Variants in TXNDC11 observed in about 807,000 individuals in gnomAD.
TXNDC11 encodes the protein thioredoxin domain containing 11.
TXNDC11 carries 68 observed loss-of-function variants against 78.0 expected under a neutral mutation model. The observed-to-expected ratio is 0.87, with a 90% CI of 0.72 to 1.07. TXNDC11 has a LOEUF of 1.07. Among genes scored for constraint, TXNDC11 ranks in the 50% least tolerant of loss-of-function variants. The probability of loss-of-function intolerance (pLI) is 0.00; values close to 1 mark genes in which losing one functional copy is unlikely to be tolerated. For synonymous variants in TXNDC11, 571 were observed against 495.2 expected (o/e 1.15, Z -2.03); for missense variants, 1,389 against 1,221.8 (o/e 1.14, Z -2.04).
At chr16:11,726,235 A>G (rs1028224743) in intron 4 of TXNDC11, among the ~76,000 whole-genome samples, 1 of 151,810 alleles carries the variant, frequency 6.6e-6, no homozygotes, top group Admixed American at 6.6e-5. Flanking sequence ...GCAATGTGAT[A>G]TTGGTAGGTC....
Position 11,736,177 on chromosome 16 carries a change from C to A in TXNDC11, c.311G>T (p.Arg104Met), listed in dbSNP as rs1371199090. Residue 104 changes from arginine (R) to methionine (M), a missense_variant, in exon 2 of 12, where the codon AGG becomes ATG. Physicochemically the swap from Arg to Met is moderately conservative, Grantham distance 91 (BLOSUM62 -1). Coordinates refer to ENST00000283033, the MANE Select transcript of TXNDC11 (RefSeq NM_015914.7). ...CTGGAAGAGGTCAAGGACTGGAGAC[C>A]TCAAGGAGAAAAAGCTGACAGGTGG... ...AKPPVSFFSL[R>M]SPVLDLFQGQ... 5.6e-6 allele frequency: 9 copies of A among 1,613,930 alleles called. No homozygotes were observed. The highest frequency in any genetic ancestry group is 7.6e-6 in the Non-Finnish European group (9 of 1,179,994).
At chr16:11,680,457 C>T (rs992809355) in intron 11 of TXNDC11, among the ~76,000 whole-genome samples, 1 of 152,198 alleles carries the variant, frequency 6.6e-6, no homozygotes, top group Non-Finnish European at 1.5e-5. Context: ...TCAGGCTGCC[C>T]AGCCCTGAGA....
At chr16:11,691,257 A>G (rs774442548) in intron 8 of TXNDC11, 33 bp downstream of exon 8, 22 of 1,561,668 alleles carry the variant, frequency 1.4e-5, no homozygotes, top group Non-Finnish European at 1.9e-5. Context: ...AGCAAAATGT[A>G]CAATGCTTGG....
At chr16:11,732,348 C>CGGGG (rs2052080826) in intron 3 of TXNDC11, among the ~76,000 whole-genome samples, 1 of 152,166 alleles carries the variant, frequency 6.6e-6, no homozygotes, top group Non-Finnish European at 1.5e-5. Flanking sequence ...GACTACACCC[C>CGGGG]CCCACTAGGC....
intron 7 of TXNDC11, among the ~76,000 whole-genome samples, chr16:11,697,600 G>A (rs780935544): frequency 2.6e-5 from 4 of 152,214 alleles, no homozygotes; most frequent in Admixed American, 1.3e-4. Flanking sequence ...CGCTGCCTCT[G>A]AAAACCACTC....
chr16:11,695,020 C>T lies in TXNDC11; in HGVS notation c.1108-2938G>A, dbSNP rs114959779. On this transcript the variant is annotated intron_variant, in intron 7 of 11. Coordinates refer to ENST00000283033, the MANE Select transcript of TXNDC11 (RefSeq NM_015914.7). ...CACGCCTTTGCTTACCAGATTCAGA[C>T]GATGTGAATGCCTCAAATAAACACC... Among the ~76,000 whole-genome samples, 50 of 152,338 alleles carry T rather than the reference C, an allele frequency of 3.3e-4. 1 individual carries two copies. The highest frequency in any genetic ancestry group is 1.1e-3 in the African/African-American group (46 of 41,580).
intron 10 of TXNDC11, among the ~76,000 whole-genome samples, chr16:11,684,884 T>G (rs2141967377): frequency 6.6e-6 from 1 of 152,336 alleles, no homozygotes; most frequent in East Asian, 1.9e-4. Flanking sequence ...GCATCCTTTA[T>G]GGAAGGGGCT....
At chr16:11,691,203 A>C (rs774033057) in intron 8 of TXNDC11, 87 bp downstream of exon 8, 2 of 1,146,756 alleles carry the variant, frequency 1.7e-6, no homozygotes, top group Non-Finnish European at 2.5e-6. Flanking sequence ...CCCCACAACT[A>C]AATGTAATGA....
chr16:11,725,938 C>T (rs940434289), intron 4 of TXNDC11, among the ~76,000 whole-genome samples: 1 of 152,048 alleles, frequency 6.6e-6, no homozygotes, highest in African/African-American at 2.4e-5. Context: ...TGCAGTGGTG[C>T]CATCATAGCT....
At chr16:11,703,810 G>T (rs2051102163) in intron 5 of TXNDC11, 1 of 689,878 alleles carries the variant, frequency 1.4e-6, no homozygotes. Flanking sequence ...TAAAGAAGTG[G>T]GCTGGGCATG....
intron 5 of TXNDC11, among the ~76,000 whole-genome samples, chr16:11,704,865 G>T (rs9925990): frequency 1.3e-5 from 2 of 151,878 alleles, no homozygotes; most frequent in African/African-American, 2.4e-5. Context: ...TTCAAATGAG[G>T]TCTGCAGTTT....
intron 4 of TXNDC11, among the ~76,000 whole-genome samples, chr16:11,727,071 A>G (rs1209786453): frequency 2.6e-5 from 4 of 152,234 alleles, no homozygotes; most frequent in Middle Eastern, 3.2e-3. Flanking sequence ...GTTTATGTCA[A>G]TAGAGAATAT....
At position 11,679,476 on chromosome 16, in the gene TXNDC11, T is replaced by A; in HGVS notation, c.2596A>T (p.Lys866Ter). ...SEQLQALYEQKTRELQELARK... is the reference protein window; with the variant it reads ...SEQLQALYEQ ...GCCAGCTCCTGCAGCTCACGTGTCT[T>A]CTGCTCATAGAGGGCCTGCAGCTGC... The change falls in exon 12 of 12, where the codon AAG becomes TAG. Residue 866 changes from lysine to a stop codon, truncating the protein, a stop_gained. Transcript: ENST00000283033. LOFTEE classifies it low-confidence loss of function (END_TRUNC). This position sits in a 1 kb window ranked among gnomAD's most constrained non-coding sequence, Gnocchi z 4.6. The A allele has an allele frequency of 6.2e-7, 1 of 1,613,726 alleles. No homozygotes were observed. Among genetic ancestry groups the A allele is most frequent in the Non-Finnish European group, 8.5e-7 (1 of 1,180,014 alleles).
chr16:11,729,616 TC>T (rs1469068144), intron 4 of TXNDC11, among the ~76,000 whole-genome samples: 1 of 152,230 alleles, frequency 6.6e-6, no homozygotes, highest in Non-Finnish European at 1.5e-5. Flanking sequence ...GGTTTTTTAA[TC>T]TCTGTCAGGT....
rs571880708 is a variant in TXNDC11, at chr16:11,727,173, G to C, written c.699+3472C>G. On this transcript the variant is annotated intron_variant, in intron 4 of 11. Coordinates refer to ENST00000283033, the MANE Select transcript of TXNDC11 (RefSeq NM_015914.7). ...AAAATGCTCACAAATATCTAGATTA[G>C]AGACAAATTTATAATTAATCAATTT... Among the ~76,000 whole-genome samples the C allele has an allele frequency of 2.6e-5, 4 of 152,142 alleles. No homozygotes were observed. In the South Asian group the frequency reaches 8.3e-4, roughly 32 times the overall value.
rs1212310787 is a variant in TXNDC11, at chr16:11,700,537, A to AC, written c.820dup (p.Val274GlyfsTer5). 1 of 1,605,074 alleles carries AC rather than the reference A, an allele frequency of 6.2e-7. No homozygotes were observed. Among genetic ancestry groups the AC allele is most frequent in the South Asian group, 1.1e-5 (1 of 90,706 alleles). ...TTTCGCAAGATGTTTATTTGTGATA[A>AC]CCCCAAATCGTACTGTTCCTAGGTA... On this transcript the variant is annotated frameshift_variant, in exon 6 of 12. Coordinates refer to ENST00000283033, the MANE Select transcript of TXNDC11 (RefSeq NM_015914.7). LOFTEE classifies it high-confidence loss of function.
chr16:11,739,764 C>T (rs1038197328), intron 1 of TXNDC11, among the ~76,000 whole-genome samples: 5 of 151,964 alleles, frequency 3.3e-5, no homozygotes, highest in African/African-American at 1.2e-4. Flanking sequence ...CCCAGAAACG[C>T]ACGATTATTC....
Position 11,715,241 on chromosome 16 carries a change from C to A in TXNDC11, c.793+6336G>T, listed in dbSNP as rs544686715. ...AAAAACAAAACAAAACAAAACAAAA[C>A]AAAAAAATAGTTTAGTGTATTTCCA... On this transcript the variant is annotated intron_variant, in intron 5 of 11. Transcript: ENST00000283033. 3.3e-5 allele frequency among the ~76,000 whole-genome samples: 5 copies of A among 151,860 alleles called. No homozygotes were observed. The South Asian group carries it at 8.3e-4, about 25-fold the overall frequency.
Position 11,679,399 on chromosome 16 carries a change from G to C in TXNDC11, c.2673C>G (p.Asn891Lys), listed in dbSNP as rs2050351673. Residue 891 changes from asparagine to lysine, a missense_variant, in exon 12 of 12, where the codon AAC (asparagine) becomes AAG (lysine). Asn to Lys is a moderately conservative substitution (Grantham distance 94, BLOSUM62 0). Transcript: ENST00000283033. The surrounding 1 kb of genome is among the most constrained non-coding windows in gnomAD (Gnocchi z 4.6). ...ADASENLLTE[N>K]TWLKILVATM... ...TCGCCACCAGGATCTTGAGCCACGT[G>C]TTCTCGGTAAGGAGGTTTTCTGAGG... is the stretch of plus-strand genomic sequence containing the variant. The C allele has an allele frequency of 1.9e-6, 3 of 1,612,304 alleles. No homozygotes were observed.
Sources: allele counts gnomAD v4.1 joint callset (sites outside exome capture counted in the v4.1 genomes callset), GRCh38; gene constraint gnomAD v4.1.1; non-coding constraint Gnocchi (gnomAD v3.1); transcripts MANE v1.5; gene names NCBI Gene and HGNC (gene_info 2026-07-23, HGNC 2026-07-21).